The following TRIM51G variants were observed in gnomAD, a reference collection of about 807,000 sequenced individuals.
The protein encoded by TRIM51G is tripartite motif-containing 51G.
chr11:48,981,425 G>T, the TRIM51G span: 21 of 1,607,630 alleles, frequency 1.3e-5, no homozygotes, highest in Non-Finnish European at 1.8e-5. Context: ...CCACATATTT[G>T]CTCCTCAGAG....
chr11:48,982,947 G>GTGTGTGTGTATA, the TRIM51G span, among the ~76,000 whole-genome samples: 682 of 86,044 alleles, frequency 7.9e-3, no homozygotes, highest in Non-Finnish European at 0.012. Context: ...AGTATTTTTG[G>GTGTGTGTGTATA]TATATATACA....
chr11:48,980,090 G>A, the TRIM51G span, among the ~76,000 whole-genome samples: 102 of 151,860 alleles, frequency 6.7e-4, no homozygotes, highest in African/African-American at 2.2e-3. Context: ...CTGCACGGTG[G>A]CCATTTGCTT....
At chr11:48,975,740 C>T in the TRIM51G span, 3 of 1,568,566 alleles carry the variant, frequency 1.9e-6, no homozygotes, top group African/African-American at 2.7e-5. Context: ...CCCACCTCTC[C>T]ATCTATCATG....
At chr11:48,975,686 G>C in the TRIM51G span, 1 of 1,499,446 alleles carries the variant, frequency 6.7e-7, no homozygotes, top group Non-Finnish European at 9.3e-7. Flanking sequence ...GTGGTAAAGA[G>C]ACTGCAGTGA....
chr11:48,981,237 A>G, the TRIM51G span: 2 of 1,598,242 alleles, frequency 1.3e-6, no homozygotes, highest in South Asian at 2.2e-5. Context: ...GGCTGACAAG[A>G]ATTCCATGTG....
At chr11:48,981,404 C>T in the TRIM51G span, 6 of 1,607,928 alleles carry the variant, frequency 3.7e-6, no homozygotes, top group East Asian at 6.7e-5. Context: ...TCCTTTGTCT[C>T]TCTGTGCGTC....
chr11:48,976,176 A>T, the TRIM51G span, among the ~76,000 whole-genome samples: 1 of 152,140 alleles, frequency 6.6e-6, no homozygotes, highest in African/African-American at 2.4e-5. Context: ...CTCTATAGGA[A>T]AAAACAATAC....
the TRIM51G span, among the ~76,000 whole-genome samples, chr11:48,982,950 T>TGA: frequency 1.7e-3 from 13 of 7,806 alleles, no homozygotes; most frequent in African/African-American, 2.3e-3. Context: ...ATTTTTGGTA[T>TGA]ATATACATAT....
At chr11:48,982,209 C>T in the TRIM51G span, among the ~76,000 whole-genome samples, 3 of 151,928 alleles carry the variant, frequency 2.0e-5, no homozygotes, top group African/African-American at 7.3e-5. Context: ...ACCAGATAAA[C>T]AAAAAGACAA....
chr11:48,981,842 A>C, the TRIM51G span: 1 of 934,460 alleles, frequency 1.1e-6, no homozygotes, highest in Non-Finnish European at 1.6e-6. Context: ...ACAAAAATGA[A>C]AAATTCATAC....
the TRIM51G span, chr11:48,979,139 C>A: frequency 7.1e-6 from 5 of 699,836 alleles, no homozygotes; most frequent in South Asian, 7.3e-5. Context: ...AATGTTTTAT[C>A]CATCTTCTCT....
chr11:48,977,391 C>CG, the TRIM51G span, among the ~76,000 whole-genome samples: 1 of 152,100 alleles, frequency 6.6e-6, no homozygotes, highest in Non-Finnish European at 1.5e-5. Context: ...AGAATTTATT[C>CG]GGATCTTTCT....
the TRIM51G span, among the ~76,000 whole-genome samples, chr11:48,976,329 T>C: frequency 6.6e-6 from 1 of 152,134 alleles, no homozygotes. Flanking sequence ...GTAATTATTA[T>C]TAAAATATTT....
the TRIM51G span, chr11:48,980,894 C>G: frequency 2.1e-6 from 1 of 482,322 alleles, no homozygotes; most frequent in Non-Finnish European, 4.3e-6. Flanking sequence ...GGTAGAGTAA[C>G]ACACTACTAA....
At chr11:48,978,850 A>G in the TRIM51G span, 167 of 1,058,416 alleles carry the variant, frequency 1.6e-4, no homozygotes, top group African/African-American at 2.4e-3. Flanking sequence ...CAACATCATG[A>G]TAACCCATGG....
chr11:48,981,556 G>C, the TRIM51G span: 1 of 1,601,310 alleles, frequency 6.2e-7, no homozygotes, highest in Non-Finnish European at 8.5e-7. Flanking sequence ...AGCAAGAACT[G>C]CCATGTCTTG....
At chr11:48,976,464 G>T in the TRIM51G span, among the ~76,000 whole-genome samples, 56 of 152,204 alleles carry the variant, frequency 3.7e-4, no homozygotes, top group East Asian at 0.011. Context: ...ACTTAAGGCA[G>T]ATTTTTGCAA....
the TRIM51G span, among the ~76,000 whole-genome samples, chr11:48,976,525 C>T: frequency 1.3e-5 from 2 of 152,114 alleles, no homozygotes; most frequent in Non-Finnish European, 2.9e-5. Context: ...TAGACTGAAA[C>T]TGAACTTTAA....
the TRIM51G span, chr11:48,975,968 T>C: frequency 1.7e-5 from 12 of 710,074 alleles, 1 homozygote; most frequent in Middle Eastern, 4.9e-4. Flanking sequence ...ATATGACTAC[T>C]GGCTCTTGCA....
Sources: gnomAD v4.1 joint callset for allele counts (sites outside exome capture counted in the v4.1 genomes callset) on GRCh38, gnomAD v4.1.1 for gene constraint, MANE v1.5 for transcripts, NCBI Gene and HGNC (gene_info 2026-07-23, HGNC 2026-07-21) for gene names.